Variants in KCNB2 observed in about 807,000 individuals in gnomAD.
KCNB2 encodes the protein potassium voltage-gated channel subfamily B member 2.
A neutral mutation model predicts 61.5 loss-of-function variants in KCNB2; 15 were observed. The ratio of observed to expected loss-of-function variants is 0.24; its 90% CI spans 0.16 to 0.38. The LOEUF is 0.38. Among genes scored for constraint, KCNB2 ranks in the 10% least tolerant of loss-of-function variants. KCNB2 has a pLI of 1.00. For missense variants in KCNB2, 828 were observed against 1,125.2 expected (o/e 0.74, Z 3.78); for synonymous variants, 457 against 446.0 (o/e 1.02, Z -0.31).
At chr8:72,764,499 G>A (rs567048545) in intron 2 of KCNB2, among the ~76,000 whole-genome samples, 2 of 152,310 alleles carry the variant, frequency 1.3e-5, no homozygotes, top group South Asian at 4.1e-4. Flanking sequence ...AGGAAGGACA[G>A]CCATGGGAAA....
intron 2 of KCNB2, among the ~76,000 whole-genome samples, chr8:72,572,327 T>G (rs1806722469): frequency 6.6e-6 from 1 of 152,104 alleles, no homozygotes; most frequent in Non-Finnish European, 1.5e-5. Flanking sequence ...AGCTAGAACA[T>G]AAGCAGCCCT....
At chr8:72,592,833 T>C (rs12547092) in intron 2 of KCNB2, among the ~76,000 whole-genome samples, 19,186 of 152,118 alleles carry the variant, frequency 0.13, 1,610 homozygotes, top group East Asian at 0.48. Context: ...GTTTTTGTTA[T>C]AGCAGCATAA....
At chr8:72,725,974 G>A (rs184450756) in intron 2 of KCNB2, among the ~76,000 whole-genome samples, 24 of 152,204 alleles carry the variant, frequency 1.6e-4, no homozygotes, top group Admixed American at 1.5e-3. Context: ...TATGTGATAA[G>A]GATGTTTATC....
At chr8:72,698,860 A>C (rs1807064316) in intron 2 of KCNB2, among the ~76,000 whole-genome samples, 2 of 152,194 alleles carry the variant, frequency 1.3e-5, no homozygotes, top group Non-Finnish European at 2.9e-5. Context: ...TAAAAAAATT[A>C]ACTCAACATG....
At chr8:72,639,534 C>T (rs2128985577) in intron 2 of KCNB2, among the ~76,000 whole-genome samples, 1 of 152,226 alleles carries the variant, frequency 6.6e-6, no homozygotes, top group East Asian at 1.9e-4. Context: ...TTTTCTGCCT[C>T]TCACCCAGAT....
intron 2 of KCNB2, among the ~76,000 whole-genome samples, chr8:72,841,363 T>G (rs1380932061): frequency 1.0e-4 from 1 of 9,762 alleles, no homozygotes; most frequent in Non-Finnish European, 3.6e-4. Flanking sequence ...TTTCTTTTCT[T>G]TTTTTTTTCT....
At chr8:72,642,004 T>G (rs958329562) in intron 2 of KCNB2, among the ~76,000 whole-genome samples, 14 of 152,154 alleles carry the variant, frequency 9.2e-5, no homozygotes, top group Non-Finnish European at 1.3e-4. Flanking sequence ...AACATAGGAC[T>G]CTGCTAAGCT....
At chr8:72,617,574 T>C (rs1354442135) in intron 2 of KCNB2, among the ~76,000 whole-genome samples, 2 of 145,216 alleles carry the variant, frequency 1.4e-5, no homozygotes, top group Non-Finnish European at 3.0e-5. Flanking sequence ...TTTTTGTCAG[T>C]ATAGGCTAGC....
intron 2 of KCNB2, among the ~76,000 whole-genome samples, chr8:72,570,800 G>A (rs1302951548): frequency 6.6e-6 from 1 of 152,154 alleles, no homozygotes; most frequent in East Asian, 1.9e-4. Flanking sequence ...ACTTGCTGAG[G>A]AGGTAAGATA....
At chr8:72,599,314 T>C (rs1016635099) in intron 2 of KCNB2, among the ~76,000 whole-genome samples, 13 of 152,158 alleles carry the variant, frequency 8.5e-5, no homozygotes, top group African/African-American at 2.7e-4. Context: ...AACTATCTGA[T>C]CTTTGACAAA....
At chr8:72,807,991 A>G (rs1272844391) in intron 2 of KCNB2, among the ~76,000 whole-genome samples, 1 of 152,200 alleles carries the variant, frequency 6.6e-6, no homozygotes, top group Non-Finnish European at 1.5e-5. Context: ...AAGAGCTGAA[A>G]TATTGCCAGA....
chr8:72,595,354 C>A (rs1807172329), intron 2 of KCNB2, among the ~76,000 whole-genome samples: 1 of 145,664 alleles, frequency 6.9e-6, no homozygotes, highest in East Asian at 2.0e-4. Context: ...AAGACAGAGT[C>A]TCACTTTGTC....
At chr8:72,883,943 A>C (rs897039394) in intron 2 of KCNB2, among the ~76,000 whole-genome samples, 1 of 152,162 alleles carries the variant, frequency 6.6e-6, no homozygotes, top group Non-Finnish European at 1.5e-5. Context: ...ACACACCCAG[A>C]AGTGGAATTG....
intron 2 of KCNB2, among the ~76,000 whole-genome samples, chr8:72,795,947 T>C (rs1809025009): frequency 6.6e-6 from 1 of 152,180 alleles, no homozygotes; most frequent in African/African-American, 2.4e-5. Flanking sequence ...AAAGTCTTTT[T>C]CCAAATGACT....
intron 2 of KCNB2, among the ~76,000 whole-genome samples, chr8:72,867,621 C>T (rs1805549390): frequency 6.6e-6 from 1 of 152,194 alleles, no homozygotes; most frequent in Non-Finnish European, 1.5e-5. Flanking sequence ...ACACAAGCTA[C>T]ATTTGTCATG....
intron 2 of KCNB2, among the ~76,000 whole-genome samples, chr8:72,841,254 T>A (rs1427807432): frequency 6.6e-6 from 1 of 152,096 alleles, no homozygotes; most frequent in African/African-American, 2.4e-5. Flanking sequence ...TCTGTTCCAT[T>A]GGTCTGTATA....
intron 2 of KCNB2, among the ~76,000 whole-genome samples, chr8:72,891,957 G>A (rs1732708737): frequency 6.6e-6 from 1 of 152,140 alleles, no homozygotes; most frequent in African/African-American, 2.4e-5. Flanking sequence ...TCCAAGTGGA[G>A]GGGAGAGAAT....
At chr8:72,659,413 C>T (rs1473229884) in intron 2 of KCNB2, among the ~76,000 whole-genome samples, 1 of 152,178 alleles carries the variant, frequency 6.6e-6, no homozygotes, top group Non-Finnish European at 1.5e-5. Context: ...GATGGATGTG[C>T]TGTGAACATT....
chr8:72,833,829 A>G (rs1280673768), intron 2 of KCNB2, among the ~76,000 whole-genome samples: 2 of 152,188 alleles, frequency 1.3e-5, no homozygotes. Context: ...CTGTCAATCA[A>G]TTGACTCAGA....
Sources: allele counts gnomAD v4.1 joint callset (sites outside exome capture counted in the v4.1 genomes callset), GRCh38; gene constraint gnomAD v4.1.1; transcripts MANE v1.5; gene names NCBI Gene and HGNC (gene_info 2026-07-23, HGNC 2026-07-21).